MEIS2: variants seen among roughly 807,000 people sequenced by gnomAD.
The protein encoded by MEIS2 is homeobox protein Meis2.
A neutral mutation model predicts 58.6 loss-of-function variants in MEIS2; 9 were observed. The ratio of observed to expected loss-of-function variants is 0.15; its 90% confidence interval spans 0.09 to 0.27. The LOEUF (loss-of-function observed/expected upper bound fraction) is 0.27. Among genes scored for constraint, MEIS2 ranks in the 10% least tolerant of loss-of-function variants. The pLI is 1.00. For synonymous variants in MEIS2, 221 were observed against 228.4 expected (o/e 0.97, Z 0.29); for missense variants, 427 against 635.0 (o/e 0.67, Z 3.52).
At chr15:36,988,004 A>T (rs561997805) in intron 8 of MEIS2, among the ~76,000 whole-genome samples, 4 of 152,218 alleles carry the variant, frequency 2.6e-5, no homozygotes, top group Admixed American at 1.3e-4. Context: ...AGACTCTTAA[A>T]AATGCCACAG....
At position 36,889,374 on chromosome 15, in the gene MEIS2, C is replaced by T. The variant is rs2055778579; in HGVS notation, c.*2799G>A. ...GTAAACCCGAGATAGGAGCAAGTGC[C>T]TTCCGGGGTGGTGTAAAAAAAGCAT... On this transcript the variant is annotated 3_prime_UTR_variant, in exon 12 of 12. Transcript: ENST00000561208. 1 of 151,958 alleles carries T rather than the reference C, an allele frequency of 6.6e-6. No homozygotes were observed. Among genetic ancestry groups the T allele is most frequent in the African/African-American group, 2.4e-5 (1 of 41,324 alleles). 9.4% of individuals were successfully genotyped at this position (151,958 alleles called of 1,614,324 possible).
chr15:37,044,985 T>A (rs1799216396), intron 7 of MEIS2, among the ~76,000 whole-genome samples: 1 of 152,178 alleles, frequency 6.6e-6, no homozygotes, highest in Non-Finnish European at 1.5e-5. Flanking sequence ...GGAAAGAGAT[T>A]CCCTGGCTTC....
At chr15:37,046,056 A>G (rs569232007) in intron 7 of MEIS2, among the ~76,000 whole-genome samples, 1 of 152,336 alleles carries the variant, frequency 6.6e-6, no homozygotes, top group African/African-American at 2.4e-5. Context: ...AGCATTTAGC[A>G]AATTCAGCCT....
rs1894943660 is a variant in MEIS2 at position 37,100,296 on chromosome 15, G to GCGCTCGCTCTCTCT, written c.-844_-831dup. 1 of 150,368 alleles carries GCGCTCGCTCTCTCT rather than the reference G, an allele frequency of 6.7e-6. No individual in the cohort carries two copies. Among genetic ancestry groups the GCGCTCGCTCTCTCT allele is most frequent in the Admixed American group, 6.7e-5 (1 of 15,016 alleles). The allele number at this position is 150,368 out of a possible 1,614,324, so 9.3% of individuals were successfully genotyped here. A position where few individuals can be genotyped will look rare whatever the true frequency, so the allele number is the denominator to read the frequency against. ...CGCTCTCACTCGCGCTCGCTCTCTC[G>GCGCTCGCTCTCTCT]CGCTCGCTCTCTCTCGCTCTCTTTC... is the stretch of plus-strand genomic sequence containing the variant. On this transcript the variant is annotated 5_prime_UTR_variant, in exon 1 of 12. Transcript: ENST00000561208.
intron 6 of MEIS2, among the ~76,000 whole-genome samples, chr15:37,092,387 A>G (rs564118565): frequency 6.6e-6 from 1 of 152,162 alleles, no homozygotes; most frequent in African/African-American, 2.4e-5. Flanking sequence ...CATTTCTCAT[A>G]CCAGTCAGGA....
At chr15:36,978,429 C>T (rs1166922441) in intron 8 of MEIS2, among the ~76,000 whole-genome samples, 2 of 152,218 alleles carry the variant, frequency 1.3e-5, no homozygotes, top group Non-Finnish European at 2.9e-5. Flanking sequence ...GTGCTCTTAT[C>T]GCTGTACCAC....
chr15:36,894,549 G>T, intron 11 of MEIS2: 1 of 522,938 alleles, frequency 1.9e-6, no homozygotes, highest in Non-Finnish European at 3.4e-6. Flanking sequence ...GTGCACATCA[G>T]TGTCATCTGT....
rs923613469 is a variant in MEIS2, at chr15:37,096,286, G to C, written c.387+3C>G. 2 of 1,602,438 alleles carry C rather than the reference G, an allele frequency of 1.2e-6. No homozygotes were observed. Among genetic ancestry groups the C allele is most frequent in the African/African-American group, 2.7e-5 (2 of 74,694 alleles). On this transcript the variant is annotated splice_donor_region_variant and intron_variant, in intron 3 of 11. Coordinates refer to ENST00000561208, the MANE Select transcript of MEIS2 (RefSeq NM_170675.5). ...GAAGTTGAGTGGATCAAGAAGGCTG[G>C]ACCTGCTTGGCGAAGACCGCGATGT...
intron 7 of MEIS2, among the ~76,000 whole-genome samples, chr15:37,065,588 A>T (rs1426153901): frequency 6.6e-6 from 1 of 152,196 alleles, no homozygotes; most frequent in African/African-American, 2.4e-5. Flanking sequence ...AGATAAAAAC[A>T]AGATGCTAAG....
chr15:36,922,351 G>C (rs1218531955), intron 9 of MEIS2, among the ~76,000 whole-genome samples: 1 of 151,894 alleles, frequency 6.6e-6, no homozygotes, highest in Non-Finnish European at 1.5e-5. Context: ...AACTGTAAAG[G>C]GCTATAAAAT....
intron 8 of MEIS2, among the ~76,000 whole-genome samples, chr15:36,974,492 A>G (rs942485503): frequency 6.6e-6 from 1 of 152,202 alleles, no homozygotes; most frequent in African/African-American, 2.4e-5. Context: ...ATGACATACC[A>G]CGTTAACATT....
intron 7 of MEIS2, among the ~76,000 whole-genome samples, chr15:37,060,323 A>G (rs889040926): frequency 1.9e-4 from 29 of 152,206 alleles, no homozygotes; most frequent in African/African-American, 6.0e-4. Context: ...AAAAATACAT[A>G]TTCTTAAGAA....
chr15:37,080,409 G>A (rs1892041711), intron 7 of MEIS2, among the ~76,000 whole-genome samples: 1 of 152,088 alleles, frequency 6.6e-6, no homozygotes, highest in Non-Finnish European at 1.5e-5. Flanking sequence ...ACTCCCATCA[G>A]CGTTAATGGG....
chr15:36,999,499 T>A (rs935482977), intron 8 of MEIS2, among the ~76,000 whole-genome samples: 1 of 152,126 alleles, frequency 6.6e-6, no homozygotes, highest in Non-Finnish European at 1.5e-5. Flanking sequence ...TGCAGAACAG[T>A]GCCATTAAGA....
At chr15:37,030,884 T>C (rs1017596220) in intron 8 of MEIS2, among the ~76,000 whole-genome samples, 2 of 151,804 alleles carry the variant, frequency 1.3e-5, no homozygotes. Context: ...CAGGCATTCC[T>C]CCCACCTCAG....
chr15:37,064,889 A>G (rs1889710974), intron 7 of MEIS2, among the ~76,000 whole-genome samples: 1 of 152,214 alleles, frequency 6.6e-6, no homozygotes, highest in Non-Finnish European at 1.5e-5. Flanking sequence ...GTCTGGTATC[A>G]TTTCTTAGGC....
intron 7 of MEIS2, among the ~76,000 whole-genome samples, chr15:37,039,986 G>A (rs1340742884): frequency 6.6e-6 from 1 of 151,374 alleles, no homozygotes; most frequent in East Asian, 1.9e-4. Context: ...TGCGTGAACT[G>A]CAACCTAAAA....
chr15:36,941,317 A>G lies in MEIS2; in HGVS notation c.977+9007T>C, dbSNP rs80046585. 5.7e-3 allele frequency among the ~76,000 whole-genome samples: 875 copies of G among 152,332 alleles called. 8 individuals carry two copies. Among genetic ancestry groups the G allele is most frequent in the African/African-American group, 0.02 (826 of 41,580 alleles). ...ACCTTTATGAAAAGGAAATTTGCCCATGGGCACTCAAGAATCCCTGTGCAT... is the reference window on the plus strand; with the variant it reads ...ACCTTTATGAAAAGGAAATTTGCCCGTGGGCACTCAAGAATCCCTGTGCAT... On this transcript the variant is annotated intron_variant, in intron 9 of 11. Coordinates refer to ENST00000561208, the MANE Select transcript of MEIS2 (RefSeq NM_170675.5).
intron 8 of MEIS2, among the ~76,000 whole-genome samples, chr15:36,985,927 G>T (rs1342912166): frequency 1.3e-5 from 2 of 152,128 alleles, no homozygotes; most frequent in East Asian, 1.9e-4. Flanking sequence ...AAGAGGTATG[G>T]TATGCTATGA....
Sources: allele counts gnomAD v4.1 joint callset (sites outside exome capture counted in the v4.1 genomes callset), GRCh38; gene constraint gnomAD v4.1.1; transcripts MANE v1.5; gene names NCBI Gene and HGNC (gene_info 2026-07-23, HGNC 2026-07-21).